Variants in GPR158 observed in about 807,000 individuals in gnomAD.
GPR158 encodes metabotropic glycine receptor.
In GPR158, 30 loss-of-function variants were observed where a neutral mutation model predicts 78.2. The ratio of observed to expected loss-of-function variants is 0.38; its 90% CI spans 0.29 to 0.52. The LOEUF (loss-of-function observed/expected upper bound fraction) is 0.52, where lower values mean the gene tolerates loss of function less well. Ranked by LOEUF, GPR158 falls within the 20% of genes least tolerant of loss-of-function variation. GPR158 has a pLI of 0.83. For synonymous variants in GPR158, 581 were observed against 591.1 expected (o/e 0.98, Z 0.25); for missense variants, 1,463 against 1,523.5 (o/e 0.96, Z 0.66).
At chr10:25,211,615 A>C (rs370528940) in intron 1 of GPR158, among the ~76,000 whole-genome samples, 1 of 152,200 alleles carries the variant, frequency 6.6e-6, no homozygotes, top group East Asian at 1.9e-4. Context: ...TCACCGTTGC[A>C]CTGGGGATGA....
At chr10:25,555,259 A>G (rs1836773457) in intron 6 of GPR158, among the ~76,000 whole-genome samples, 1 of 152,112 alleles carries the variant, frequency 6.6e-6, no homozygotes, top group Non-Finnish European at 1.5e-5. Flanking sequence ...TTCTGTGAAG[A>G]AAGTCATTGG....
chr10:25,537,252 TTC>T (rs1302622262), intron 5 of GPR158, among the ~76,000 whole-genome samples: 1 of 152,212 alleles, frequency 6.6e-6, no homozygotes. Flanking sequence ...TTTCCATTAT[TTC>T]TGAGGACTCT....
chr10:25,390,431 T>C (rs1834278386), intron 2 of GPR158, among the ~76,000 whole-genome samples: 1 of 152,198 alleles, frequency 6.6e-6, no homozygotes, highest in Admixed American at 6.5e-5. Context: ...CAGATAGAGA[T>C]AAGGAACTTT....
chr10:25,425,546 A>T (rs1834808944), intron 4 of GPR158, among the ~76,000 whole-genome samples: 1 of 151,928 alleles, frequency 6.6e-6, no homozygotes, highest in Admixed American at 6.6e-5. Flanking sequence ...AAATGAAGGT[A>T]AATATATGGT....
chr10:25,333,661 C>A (rs572615901), intron 2 of GPR158, among the ~76,000 whole-genome samples: 1 of 152,148 alleles, frequency 6.6e-6, no homozygotes, highest in Non-Finnish European at 1.5e-5. Context: ...GGAAAAGAAT[C>A]ATTATTTCCT....
At chr10:25,369,022 T>C (rs1362706921) in intron 2 of GPR158, among the ~76,000 whole-genome samples, 2 of 151,184 alleles carry the variant, frequency 1.3e-5, no homozygotes, top group Non-Finnish European at 3.0e-5. Context: ...ATTGATTTTG[T>C]ATCCTGAGAC....
chr10:25,312,125 C>G (rs1371112676), intron 2 of GPR158, among the ~76,000 whole-genome samples: 2 of 151,792 alleles, frequency 1.3e-5, no homozygotes, highest in Non-Finnish European at 2.9e-5. Context: ...CCTTTATACT[C>G]CCAAACTTGA....
intron 2 of GPR158, among the ~76,000 whole-genome samples, chr10:25,348,297 A>C (rs1855402329): frequency 6.6e-6 from 1 of 151,668 alleles, no homozygotes; most frequent in Non-Finnish European, 1.5e-5. Flanking sequence ...ATTCTTTTTA[A>C]TGTCTAAGAC....
chr10:25,175,219 A>T lies in GPR158; in HGVS notation c.-202A>T. On this transcript the variant is annotated 5_prime_UTR_variant, in exon 1 of 11. Coordinates refer to ENST00000376351, the MANE Select transcript of GPR158 (RefSeq NM_020752.3). The surrounding 1 kb of genome is among the most constrained non-coding windows in gnomAD (Gnocchi z 6.4). ...CAGCGGGCACGGCCAGCGCTGCCAC[A>T]GGTGACTTGATTTCTGCGACGGTAG... is the stretch of plus-strand genomic sequence containing the variant. 1 of 502,170 alleles carries T rather than the reference A, an allele frequency of 2.0e-6. No homozygotes were observed. The highest frequency in any genetic ancestry group is 3.5e-6 in the Non-Finnish European group (1 of 286,254). The allele number at this position is 502,170 out of a possible 1,614,324, so 31.1% of individuals were successfully genotyped here.
intron 2 of GPR158, among the ~76,000 whole-genome samples, chr10:25,237,572 G>T (rs1853541105): frequency 6.6e-6 from 1 of 152,020 alleles, no homozygotes; most frequent in African/African-American, 2.4e-5. Flanking sequence ...TTATAAAAAG[G>T]GTGTACAGAA....
At chr10:25,206,209 G>T (rs372881070) in intron 1 of GPR158, among the ~76,000 whole-genome samples, 1 of 151,938 alleles carries the variant, frequency 6.6e-6, no homozygotes. Context: ...GGATGGTCTC[G>T]ATCTCCTGAC....
intron 2 of GPR158, among the ~76,000 whole-genome samples, chr10:25,337,734 AT>A (rs57140488): frequency 0.2 from 30,896 of 151,866 alleles, 5,263 homozygotes; most frequent in African/African-American, 0.47. Flanking sequence ...AAATGATTGT[AT>A]TTGATATAAA....
intron 1 of GPR158, among the ~76,000 whole-genome samples, chr10:25,219,400 G>T (rs1170215147): frequency 6.6e-6 from 1 of 152,172 alleles, no homozygotes; most frequent in Non-Finnish European, 1.5e-5. Flanking sequence ...TAGGTTACTT[G>T]GAAATCCATT....
At chr10:25,505,635 T>A (rs1836000292) in intron 5 of GPR158, among the ~76,000 whole-genome samples, 1 of 152,218 alleles carries the variant, frequency 6.6e-6, no homozygotes, top group African/African-American at 2.4e-5. Flanking sequence ...CTCCTTGGTA[T>A]GGTATAGTAT....
chr10:25,303,476 T>C (rs979756161), intron 2 of GPR158, among the ~76,000 whole-genome samples: 4 of 152,190 alleles, frequency 2.6e-5, no homozygotes, highest in African/African-American at 9.7e-5. Flanking sequence ...GATTATCGAA[T>C]TTGTAGATAA....
At chr10:25,417,499 T>C (rs747559559) in intron 4 of GPR158, among the ~76,000 whole-genome samples, 24 of 152,204 alleles carry the variant, frequency 1.6e-4, no homozygotes, top group Non-Finnish European at 3.1e-4. Context: ...GCATGAAATC[T>C]ATTTTTTCTC....
rs1239304757 is a variant in GPR158 at position 25,175,413 on chromosome 10, G to T, written c.-8G>T. On this transcript the variant is annotated 5_prime_UTR_variant, in exon 1 of 11. Coordinates refer to ENST00000376351, the MANE Select transcript of GPR158 (RefSeq NM_020752.3). The surrounding 1 kb of genome is among the most constrained non-coding windows in gnomAD (Gnocchi z 6.4). ...CTCCCGTTCCCTCCTCTTCTCTCTGGGAGGCAGATGGGAGCCATGGCTTAC... is the reference window on the plus strand; with the variant it reads ...CTCCCGTTCCCTCCTCTTCTCTCTGTGAGGCAGATGGGAGCCATGGCTTAC... The T allele has an allele frequency of 1.3e-6, 2 of 1,506,930 alleles. No individual in the cohort carries two copies. Among genetic ancestry groups the T allele is most frequent in the African/African-American group, 2.8e-5 (2 of 71,554 alleles). 93.3% of individuals were successfully genotyped at this position (1,506,930 alleles called of 1,614,324 possible).
chr10:25,415,831 C>G (rs1834650861), intron 4 of GPR158, among the ~76,000 whole-genome samples: 2 of 151,924 alleles, frequency 1.3e-5, no homozygotes, highest in Admixed American at 6.6e-5. Flanking sequence ...TTAGTGGTTA[C>G]CAGGTACTAC....
chr10:25,253,228 A>T (rs1030401531), intron 2 of GPR158, among the ~76,000 whole-genome samples: 9 of 152,186 alleles, frequency 5.9e-5, no homozygotes, highest in African/African-American at 2.2e-4. Flanking sequence ...CTCCCTAGTG[A>T]GATGAACCCG....
Sources: allele counts gnomAD v4.1 joint callset (sites outside exome capture counted in the v4.1 genomes callset), GRCh38; gene constraint gnomAD v4.1.1; non-coding constraint Gnocchi (gnomAD v3.1); transcripts MANE v1.5; gene names NCBI Gene and HGNC (gene_info 2026-07-23, HGNC 2026-07-21).